NECAB3: variants seen among roughly 807,000 people sequenced by gnomAD.
NECAB3 encodes N-terminal EF-hand calcium binding protein 3, also known as N-terminal EF-hand calcium-binding protein 3.
NECAB3 carries 38 observed loss-of-function variants against 57.2 expected under a neutral mutation model. The observed-to-expected ratio is 0.66, with a 90% CI of 0.51 to 0.87. NECAB3 has a LOEUF of 0.87. NECAB3 is among the 40% of genes least tolerant of loss of function. The probability of loss-of-function intolerance (pLI) is 0.00; values close to 1 mark genes in which losing one functional copy is unlikely to be tolerated. For missense variants in NECAB3, 474 were observed against 527.5 expected (o/e 0.90, Z 0.99); for synonymous variants, 223 against 222.6 (o/e 1.00, Z -0.02).
chr20:33,667,947 G>T, intron 5 of NECAB3: 6 of 1,554,190 alleles, frequency 3.9e-6, no homozygotes, highest in Non-Finnish European at 5.2e-6. Flanking sequence ...CGCTGCAGAA[G>T]ATGCCCAAAA....
At position 33,670,678 on chromosome 20, in the gene NECAB3, ACT is replaced by A; in HGVS notation, c.263+4_263+5del. 1 of 1,608,326 alleles carries A rather than the reference ACT, an allele frequency of 6.2e-7. No homozygotes were observed. Among genetic ancestry groups the A allele is most frequent in the Non-Finnish European group, 8.5e-7 (1 of 1,175,672 alleles). ...GCATCTACCCACGGCCCCCTCTCAT[ACT>A]CACTCGGTGAGATGCCCATCAATGC... On this transcript the variant is annotated splice_donor_5th_base_variant and intron_variant, in intron 3 of 11. Coordinates refer to ENST00000246190, the MANE Select transcript of NECAB3 (RefSeq NM_031232.4).
chr20:33,671,480 G>A (rs1236762308), intron 2 of NECAB3, among the ~76,000 whole-genome samples: 1 of 152,000 alleles, frequency 6.6e-6, no homozygotes, highest in Non-Finnish European at 1.5e-5. Flanking sequence ...TCAATGGGTT[G>A]GGACAAACAA....
chr20:33,669,788 C>T (rs1268840309), intron 3 of NECAB3, 76 bp from the exon 4 acceptor site: 1 of 1,449,326 alleles, frequency 6.9e-7, no homozygotes, highest in East Asian at 2.5e-5. Context: ...GCCCCACATC[C>T]CACCCCACCA....
chr20:33,658,890 G>A, intron 8 of NECAB3, 56 bp from the exon 9 acceptor site: 1 of 1,283,474 alleles, frequency 7.8e-7, no homozygotes, highest in Non-Finnish European at 1.1e-6. Flanking sequence ...GGGAGGGACT[G>A]GCTGTGGCCT....
At chr20:33,658,344 C>T (rs1462998429) in intron 10 of NECAB3, 133 bp downstream of exon 10, 11 of 920,560 alleles carry the variant, frequency 1.2e-5, no homozygotes, top group Admixed American at 4.0e-5. Flanking sequence ...GGAAAGGACT[C>T]GGGGGCTCGG....
rs748520575 is a variant in NECAB3 at position 33,658,547 on chromosome 20, C to T, written c.1000G>A (p.Ala334Thr). The T allele has an allele frequency of 2.0e-5, 33 of 1,613,884 alleles. No individual in the cohort carries two copies. The East Asian group carries it at 2.2e-4, about 11-fold the overall frequency. The change falls in exon 10 of 12, where the codon GCC (alanine) becomes ACC (threonine). Residue 334 changes from alanine to threonine, a missense_variant. Coordinates refer to ENST00000246190, the MANE Select transcript of NECAB3 (RefSeq NM_031232.4). ...GAQSHCLHVSAQKMLDGASFT... is the reference protein window; with the variant it reads ...GAQSHCLHVSTQKMLDGASFT... The stretch of plus-strand genomic sequence containing the variant: ...GAGGCACCGTCCAGCATCTTCTGGG[C>T]GGACACACTGTAGGGCCAAAGAGAT...
upstream of NECAB3, chr20:33,674,548 C>A (rs1423660519): frequency 4.8e-6 from 2 of 413,054 alleles, no homozygotes; most frequent in Middle Eastern, 1.2e-3. Context: ...TCCGCGCTTC[C>A]GCGGCCACGG....
Position 33,657,606 on chromosome 20 carries a change from A to T in NECAB3, c.*223T>A, listed in dbSNP as rs1332242761. 2.1e-6 allele frequency: 1 copy of T among 487,554 alleles called. No homozygotes were observed. Among genetic ancestry groups the T allele is most frequent in the African/African-American group, 2.0e-5 (1 of 49,436 alleles). 30.2% of individuals were successfully genotyped at this position (487,554 alleles called of 1,614,324 possible). A position where few individuals can be genotyped will look rare whatever the true frequency, so the allele number is the denominator to read the frequency against. On this transcript the variant is annotated 3_prime_UTR_variant, in exon 12 of 12. Transcript: ENST00000246190. ...TCCTGAGCCAGGCAGAAGCCAAAGT[A>T]GCTTGGAGGCTGAAGTGACAAACAA...
intron 5 of NECAB3, chr20:33,663,706 C>A: frequency 6.5e-7 from 1 of 1,538,090 alleles, no homozygotes; most frequent in South Asian, 1.2e-5. Context: ...GCTGCTGCGG[C>A]GGCAAGAGGC....
At position 33,660,316 on chromosome 20, in the gene NECAB3, A is replaced by C. The variant is rs2017428605; in HGVS notation, c.467T>G (p.Leu156Arg). The C allele has an allele frequency of 6.2e-7, 1 of 1,613,332 alleles. No homozygotes were observed. Among genetic ancestry groups the C allele is most frequent in the Admixed American group, 1.7e-5 (1 of 60,000 alleles). The change falls in exon 6 of 12, where the codon CTT (leucine) becomes CGT (arginine). Residue 156 changes from leucine to arginine, a missense_variant. Transcript: ENST00000246190. This position sits in a 1 kb window ranked among gnomAD's most constrained non-coding sequence, Gnocchi z 4.1. ...LRETVSQLQA[L>R]QSSLEGASDT... Reference sequence around the variant, plus strand: ...TGACGCCCCCTCCAGCGAGCTCTGAAGGGCTTGCAGCTGGCTCACCGTCTC... The same window carrying C: ...TGACGCCCCCTCCAGCGAGCTCTGACGGGCTTGCAGCTGGCTCACCGTCTC...
rs919032150 is a variant in NECAB3, at chr20:33,660,845, T to G, written c.388-450A>C. Among the ~76,000 whole-genome samples the G allele has an allele frequency of 6.6e-6, 1 of 152,152 alleles. No homozygotes were observed. The highest frequency in any genetic ancestry group is 2.4e-5 in the African/African-American group (1 of 41,428). ...CGTATTCACTCATTCATTCATTCACTCATACACACAACACTGGGTGCTTTT... is the reference window on the plus strand; with the variant it reads ...CGTATTCACTCATTCATTCATTCACGCATACACACAACACTGGGTGCTTTT... On this transcript the variant is annotated intron_variant, in intron 5 of 11. Transcript: ENST00000246190. This position sits in a 1 kb window ranked among gnomAD's most constrained non-coding sequence, Gnocchi z 4.1.
Position 33,670,710 on chromosome 20 carries a change from G to A in NECAB3, c.237C>T (p.Phe79=). 1 of 1,614,032 alleles carries A rather than the reference G, an allele frequency of 6.2e-7. No individual in the cohort carries two copies. Among genetic ancestry groups the A allele is most frequent in the Non-Finnish European group, 8.5e-7 (1 of 1,179,940 alleles). Residue 79 remains phenylalanine, a synonymous_variant, in exon 3 of 12, where the codon TTC becomes TTT. Transcript: ENST00000246190. The part of the protein sequence containing the change: ...VLSLGELQEL[F]SGIDGHLTDN... The stretch of plus-strand genomic sequence containing the variant: ...CGGTGAGATGCCCATCAATGCCGCT[G>A]AACAGTTCCTGCAGCTCCCCCAGGC...
chr20:33,662,562 A>T (rs1437363169), intron 5 of NECAB3: 4 of 1,423,144 alleles, frequency 2.8e-6, no homozygotes, highest in Non-Finnish European at 3.8e-6. Flanking sequence ...CTGGGAGTCT[A>T]GGCCTTGTAT....
At position 33,669,381 on chromosome 20, in the gene NECAB3, G is replaced by A. The variant is rs2017775612; in HGVS notation, c.381C>T (p.Thr127=). The A allele has an allele frequency of 6.2e-7, 1 of 1,613,520 alleles. No homozygotes were observed. ...CATCAGCCACTCCACTCACCAGCTT[G>A]GTGGCATCCATGGCAGCGAGCACTG... The part of the protein sequence containing the change: ...NRAVLAAMDA[T]KLEYERASKV... Residue 127 remains threonine, a synonymous_variant, in exon 5 of 12, where the codon ACC becomes ACT. Coordinates refer to ENST00000246190, the MANE Select transcript of NECAB3 (RefSeq NM_031232.4).
chr20:33,662,250 G>T, intron 5 of NECAB3: 1 of 1,471,910 alleles, frequency 6.8e-7, no homozygotes, highest in South Asian at 1.3e-5. Flanking sequence ...GCCTGCAATT[G>T]GTGAGGTCAG....
intron 8 of NECAB3, 145 bp from the exon 9 acceptor site, chr20:33,658,979 G>A (rs928415217): frequency 7.9e-6 from 5 of 631,802 alleles, no homozygotes; most frequent in African/African-American, 7.3e-5. Flanking sequence ...GGAGTGCAGT[G>A]GTGTGTGGGA....
At chr20:33,669,637 C>A in intron 4 of NECAB3, 50 bp downstream of exon 4, 1 of 1,563,032 alleles carries the variant, frequency 6.4e-7, no homozygotes. Flanking sequence ...CCACACGTAC[C>A]CTGGGGCCCA....
intron 1 of NECAB3, among the ~76,000 whole-genome samples, chr20:33,673,968 C>G (rs1041668029): frequency 6.6e-6 from 1 of 152,018 alleles, no homozygotes; most frequent in Non-Finnish European, 1.5e-5. Flanking sequence ...GCCAGCCCCC[C>G]GCCAACACCA....
Position 33,657,818 on chromosome 20 carries a change from G to A in NECAB3, c.*11C>T, listed in dbSNP as rs961201532. The A allele has an allele frequency of 5.9e-6, 9 of 1,531,384 alleles. No homozygotes were observed. The African/African-American group carries it at 1.1e-4, about 19-fold the overall frequency. The allele number at this position is 1,531,384 out of a possible 1,614,324, so 94.9% of individuals were successfully genotyped here. ...CAGGGTCCCGGGGCCCTCGGCGTGT[G>A]CAGGTCTGGCTCAGTTGTTATTCAT... On this transcript the variant is annotated 3_prime_UTR_variant, in exon 12 of 12. Coordinates refer to ENST00000246190, the MANE Select transcript of NECAB3 (RefSeq NM_031232.4).
Sources: allele counts gnomAD v4.1 joint callset (sites outside exome capture counted in the v4.1 genomes callset), GRCh38; gene constraint gnomAD v4.1.1; non-coding constraint Gnocchi (gnomAD v3.1); transcripts MANE v1.5; gene names NCBI Gene and HGNC (gene_info 2026-07-23, HGNC 2026-07-21).